Variants in FIG4 observed in about 807,000 individuals in gnomAD.
FIG4 encodes the protein polyphosphoinositide phosphatase.
FIG4 carries 112 observed loss-of-function variants against 118.6 expected under a neutral mutation model. That is an observed-to-expected ratio of 0.94 (90% CI 0.81 to 1.11). The LOEUF (loss-of-function observed/expected upper bound fraction) is 1.11, where lower values mean the gene tolerates loss of function less well. Ranked by LOEUF, FIG4 falls within the 50% of genes least tolerant of loss-of-function variation. The pLI, the probability that FIG4 is intolerant of heterozygous loss-of-function variation, is 0.00. For missense variants in FIG4, 969 were observed against 1,111.7 expected (o/e 0.87, Z 1.83); for synonymous variants, 369 against 381.2 (o/e 0.97, Z 0.37).
chr6:109,746,182 G>A (rs886366734), intron 10 of FIG4, among the ~76,000 whole-genome samples: 2 of 152,212 alleles, frequency 1.3e-5, no homozygotes, highest in African/African-American at 2.4e-5. Context: ...TGGGAAAACC[G>A]GCTAGCCATA....
intron 22 of FIG4, among the ~76,000 whole-genome samples, chr6:109,807,241 T>A (rs183388603): frequency 6.6e-6 from 1 of 152,362 alleles, no homozygotes; most frequent in African/African-American, 2.4e-5. Flanking sequence ...GTAAAAGTGT[T>A]TCTATTTCTC....
At chr6:109,773,640 CTG>C (rs1293741059) in intron 15 of FIG4, among the ~76,000 whole-genome samples, 1 of 152,132 alleles carries the variant, frequency 6.6e-6, no homozygotes, top group African/African-American at 2.4e-5. Flanking sequence ...CGGCCATCCA[CTG>C]TTATCTGGAT....
chr6:109,814,982 A>G (rs1356309874), intron 22 of FIG4, among the ~76,000 whole-genome samples: 1 of 152,106 alleles, frequency 6.6e-6, no homozygotes, highest in East Asian at 1.9e-4. Context: ...AAATGTATGT[A>G]TAAGTATATA....
At chr6:109,747,266 T>C (rs1242040328) in intron 10 of FIG4, among the ~76,000 whole-genome samples, 8 of 151,994 alleles carry the variant, frequency 5.3e-5, no homozygotes, top group African/African-American at 1.5e-4. Flanking sequence ...GAGATGCCCA[T>C]GTGGAGAGTA....
At chr6:109,716,092 A>G (rs1477969534) in intron 2 of FIG4, among the ~76,000 whole-genome samples, 2 of 152,160 alleles carry the variant, frequency 1.3e-5, no homozygotes, top group Non-Finnish European at 2.9e-5. Flanking sequence ...AAGAAAATCT[A>G]TGGGCCTTCT....
chr6:109,760,261 A>G lies in FIG4; in HGVS notation c.1149A>G (p.Lys383=). ...IILNLVKERE[K]RKHERILSEE... is the part of the protein sequence containing the mutation. ...AATTTTTGATAAAGGAACGAGAGAAAAGAAAGCATGAAAGAATTCTGAGTG... is the reference window on the plus strand; with the variant it reads ...AATTTTTGATAAAGGAACGAGAGAAGAGAAAGCATGAAAGAATTCTGAGTG... The change falls in exon 11 of 23, where the codon AAA becomes AAG. Residue 383 remains lysine, a synonymous_variant. Transcript: ENST00000230124. 6.2e-7 allele frequency: 1 copy of G among 1,613,830 alleles called. No individual in the cohort carries two copies. Among genetic ancestry groups the G allele is most frequent in the Non-Finnish European group, 8.5e-7 (1 of 1,179,746 alleles).
intron 11 of FIG4, among the ~76,000 whole-genome samples, chr6:109,761,326 G>C (rs1254474157): frequency 6.6e-6 from 1 of 152,066 alleles, no homozygotes; most frequent in South Asian, 2.1e-4. Context: ...GAGTAGCTGG[G>C]ACTGCAGTCA....
At chr6:109,802,269 C>A (rs934175889) in intron 22 of FIG4, among the ~76,000 whole-genome samples, 1 of 151,990 alleles carries the variant, frequency 6.6e-6, no homozygotes, top group Non-Finnish European at 1.5e-5. Context: ...TTTCGCTTTT[C>A]TTCTTTCCCC....
intron 22 of FIG4, among the ~76,000 whole-genome samples, chr6:109,808,561 G>A (rs938277144): frequency 2.0e-5 from 3 of 152,016 alleles, no homozygotes; most frequent in Non-Finnish European, 4.4e-5. Context: ...TGAGGAAAAG[G>A]ACTTGTGTGG....
rs2128389533 is a variant in FIG4, at chr6:109,754,335, A to G, written c.1138-5915A>G. On this transcript the variant is annotated intron_variant, in intron 10 of 22. Transcript: ENST00000230124. ...AGCTTTTTGATGTGTTGCTGGATTC[A>G]GTTTGCCAGTATTTTATTGAGGATT... is the stretch of plus-strand genomic sequence containing the variant. Among the ~76,000 whole-genome samples the G allele has an allele frequency of 1.3e-5, 2 of 152,272 alleles. 1 individual carries two copies. Among genetic ancestry groups the G allele is most frequent in the Middle Eastern group, 6.8e-3 (2 of 294 alleles).
chr6:109,757,654 G>A (rs1776960230), intron 10 of FIG4, among the ~76,000 whole-genome samples: 1 of 152,162 alleles, frequency 6.6e-6, no homozygotes, highest in Admixed American at 6.5e-5. Flanking sequence ...ATTCAGATAG[G>A]AAGAGAGGAA....
At chr6:109,691,646 C>G (rs1774423923) in intron 1 of FIG4, 145 bp downstream of exon 1, 2 of 814,946 alleles carry the variant, frequency 2.5e-6, no homozygotes, top group African/African-American at 1.7e-5. Context: ...TTGGGGTAAG[C>G]TAGCTCCCTT....
At chr6:109,763,773 A>G (rs529567172) in intron 12 of FIG4, among the ~76,000 whole-genome samples, 164 bp from the exon 13 acceptor site, 1 of 152,326 alleles carries the variant, frequency 6.6e-6, no homozygotes, top group African/African-American at 2.4e-5. Context: ...AGTCATTTGC[A>G]TGTTCACTTA....
At chr6:109,780,313 AG>A (rs1414904010) in intron 16 of FIG4, among the ~76,000 whole-genome samples, 3 of 152,160 alleles carry the variant, frequency 2.0e-5, no homozygotes, top group African/African-American at 7.2e-5. Flanking sequence ...CCAGGGCTCA[AG>A]CCATCTTTTC....
chr6:109,786,912 A>C lies in FIG4; in HGVS notation c.2096+463A>C, dbSNP rs532375921. On this transcript the variant is annotated intron_variant, in intron 18 of 22. Coordinates refer to ENST00000230124, the MANE Select transcript of FIG4 (RefSeq NM_014845.6). ...TGTCTCTCTTCTTTCTCTCTCCCCC[A>C]CACACACACGCCCCGCAAGTGCCTT... Among the ~76,000 whole-genome samples the C allele has an allele frequency of 6.4e-4, 98 of 152,014 alleles. 1 individual carries two copies. The highest frequency in any genetic ancestry group is 2.2e-3 in the African/African-American group (93 of 41,474).
intron 22 of FIG4, among the ~76,000 whole-genome samples, chr6:109,801,364 A>G (rs1778421783): frequency 6.6e-6 from 1 of 151,938 alleles, no homozygotes; most frequent in Non-Finnish European, 1.5e-5. Flanking sequence ...CCTGACCAGT[A>G]TGGTGAAACC....
Position 109,762,076 on chromosome 6 carries a change from T to C in FIG4, c.1272-15T>C, listed in dbSNP as rs1386102561. On this transcript the variant is annotated splice_polypyrimidine_tract_variant and intron_variant, in intron 11 of 22. Transcript: ENST00000230124. Reference sequence around the variant, plus strand: ...CTTGGCTTCTCACTTTTCTCATTCTTCCTTCTCTCCTCAGCAAGCTGTGTA... The same window carrying C: ...CTTGGCTTCTCACTTTTCTCATTCTCCCTTCTCTCCTCAGCAAGCTGTGTA... 6.6e-7 allele frequency: 1 copy of C among 1,507,414 alleles called. No homozygotes were observed. The allele number at this position is 1,507,414 out of a possible 1,614,324, so 93.4% of individuals were successfully genotyped here. A position where few individuals can be genotyped will look rare whatever the true frequency, so the allele number is the denominator to read the frequency against.
intron 19 of FIG4, 25 bp downstream of exon 19, chr6:109,789,702 C>T: frequency 6.6e-7 from 1 of 1,503,962 alleles, no homozygotes; most frequent in Non-Finnish European, 9.3e-7. Context: ...TAGAACGAAA[C>T]TTTAAAGATT....
intron 22 of FIG4, among the ~76,000 whole-genome samples, chr6:109,817,871 G>C (rs1778903374): frequency 6.6e-6 from 1 of 152,196 alleles, no homozygotes; most frequent in South Asian, 2.1e-4. Flanking sequence ...CCAGGGTTCA[G>C]CTGCAGAAAG....
Sources: allele counts gnomAD v4.1 joint callset (sites outside exome capture counted in the v4.1 genomes callset), GRCh38; gene constraint gnomAD v4.1.1; transcripts MANE v1.5; gene names NCBI Gene and HGNC (gene_info 2026-07-23, HGNC 2026-07-21).